Variants in KCNQ1OT1 observed in about 807,000 individuals in gnomAD.
KCNQ1OT1 encodes the protein KCNQ1 opposite strand/antisense transcript 1.
Position 2,674,175 on chromosome 11 carries a change from G to A in KCNQ1OT1, n.25820C>T, listed in dbSNP as rs935245026. On this transcript the variant is annotated non_coding_transcript_exon_variant, in exon 1 of 1. Coordinates refer to ENST00000597346, the Ensembl canonical transcript of KCNQ1OT1. The surrounding 1 kb of genome is among the most constrained non-coding windows in gnomAD (Gnocchi z 5.9). Reference sequence around the variant, plus strand: ...AAGGGAAGGAATGTGACCAAGGCTGGGTGTGGCTGGGGAGAGCACAGCCAG... The same window carrying A: ...AAGGGAAGGAATGTGACCAAGGCTGAGTGTGGCTGGGGAGAGCACAGCCAG... 1 of 398,604 alleles carries A rather than the reference G, an allele frequency of 2.5e-6. No homozygotes were observed. Among genetic ancestry groups the A allele is most frequent in the Admixed American group, 4.4e-5 (1 of 22,706 alleles). 24.7% of individuals were successfully genotyped at this position (398,604 alleles called of 1,614,324 possible). A position where few individuals can be genotyped will look rare whatever the true frequency, so the allele number is the denominator to read the frequency against.
chr11:2,647,811 T>C lies in KCNQ1OT1; in HGVS notation n.52184A>G. On this transcript the variant is annotated non_coding_transcript_exon_variant, in exon 1 of 1. Transcript: ENST00000597346. This position sits in a 1 kb window ranked among gnomAD's most constrained non-coding sequence, Gnocchi z 4.0. Reference sequence around the variant, plus strand: ...GTTCATAATGGTCTCTAATAATCTTTTGTATTTCTGTGGTGTCCATTGTAA... The same window carrying C: ...GTTCATAATGGTCTCTAATAATCTTCTGTATTTCTGTGGTGTCCATTGTAA... 2.5e-6 allele frequency: 1 copy of C among 398,566 alleles called. No individual in the cohort carries two copies. The highest frequency in any genetic ancestry group is 4.4e-6 in the Non-Finnish European group (1 of 226,050). 24.7% of individuals were successfully genotyped at this position (398,566 alleles called of 1,614,324 possible). A position where few individuals can be genotyped will look rare whatever the true frequency, so the allele number is the denominator to read the frequency against.
chr11:2,661,766 AGGT>A lies in KCNQ1OT1; in HGVS notation n.38226_38228del, dbSNP rs1287515468. ...TGGCCTTTATTCTCCTCAGACACTG[AGGT>A]GTCAGGCACTTTGGGGCCATCTTAA... On this transcript the variant is annotated non_coding_transcript_exon_variant, in exon 1 of 1. Transcript: ENST00000597346. The surrounding 1 kb of genome is among the most constrained non-coding windows in gnomAD (Gnocchi z 5.9). The A allele has an allele frequency of 3.1e-6, 2 of 651,226 alleles. No individual in the cohort carries two copies. The highest frequency in any genetic ancestry group is 5.5e-6 in the Non-Finnish European group (2 of 363,362). 40.3% of individuals were successfully genotyped at this position (651,226 alleles called of 1,614,324 possible). A position where few individuals can be genotyped will look rare whatever the true frequency, so the allele number is the denominator to read the frequency against.
exon 1 of KCNQ1OT1, chr11:2,630,025 C>T: frequency 2.5e-6 from 1 of 397,420 alleles, no homozygotes; most frequent in Non-Finnish European, 4.4e-6. Context: ...TTCAGCTTTT[C>T]AGCATTGAGT....
chr11:2,621,166 C>T lies in KCNQ1OT1; in HGVS notation n.78829G>A, dbSNP rs771300771. On this transcript the variant is annotated non_coding_transcript_exon_variant, in exon 1 of 1. Coordinates refer to ENST00000597346, the Ensembl canonical transcript of KCNQ1OT1. The surrounding 1 kb of genome is among the most constrained non-coding windows in gnomAD (Gnocchi z 5.7). ...CTAATTTTTGTGTTTTTAGTAGAGA[C>T]GGGGTTTCACCATGTTGGCCAGGAT... 11 of 397,020 alleles carry T rather than the reference C, an allele frequency of 2.8e-5. No homozygotes were observed. The highest frequency in any genetic ancestry group is 8.8e-5 in the Admixed American group (2 of 22,652). The allele number at this position is 397,020 out of a possible 1,614,324, so 24.6% of individuals were successfully genotyped here. A position where few individuals can be genotyped will look rare whatever the true frequency, so the allele number is the denominator to read the frequency against.
exon 1 of KCNQ1OT1, chr11:2,693,762 T>G: frequency 2.5e-6 from 1 of 398,688 alleles, no homozygotes; most frequent in Non-Finnish European, 4.4e-6. Flanking sequence ...GCCAGTAACC[T>G]GGACATGCTG....
At chr11:2,680,703 T>C (rs1027647223) in exon 1 of KCNQ1OT1, 1 of 398,398 alleles carries the variant, frequency 2.5e-6, no homozygotes, top group Non-Finnish European at 4.4e-6. Flanking sequence ...TGTCCCCCTT[T>C]TATAGCTACC....
At chr11:2,660,571 T>C in exon 1 of KCNQ1OT1, 1 of 398,600 alleles carries the variant, frequency 2.5e-6, no homozygotes, top group Non-Finnish European at 4.4e-6. Context: ...GCAAAGGACA[T>C]GAACAGGCAA....
chr11:2,657,895 T>A lies in KCNQ1OT1; in HGVS notation n.42100A>T, dbSNP rs1015960551. The A allele has an allele frequency of 2.8e-5, 11 of 398,508 alleles. No homozygotes were observed. The highest frequency in any genetic ancestry group is 2.3e-4 in the African/African-American group (11 of 48,634). The allele number at this position is 398,508 out of a possible 1,614,324, so 24.7% of individuals were successfully genotyped here. On this transcript the variant is annotated non_coding_transcript_exon_variant, in exon 1 of 1. Transcript: ENST00000597346. This position sits in a 1 kb window ranked among gnomAD's most constrained non-coding sequence, Gnocchi z 4.8. The stretch of plus-strand genomic sequence containing the variant: ...AGGAGGCCAGTGAGGTGAGATGCTT[T>A]CCTCATTGTGGAACATGACATCAAC...
chr11:2,632,714 T>A (rs1849380842), exon 1 of KCNQ1OT1: 1 of 398,294 alleles, frequency 2.5e-6, no homozygotes, highest in Admixed American at 4.4e-5. Context: ...ATTTAACATA[T>A]TATCCAAGTT....
chr11:2,681,744 C>G, exon 1 of KCNQ1OT1: 1 of 398,348 alleles, frequency 2.5e-6, no homozygotes, highest in Non-Finnish European at 4.4e-6. Flanking sequence ...ACTGATCACA[C>G]ACCAGGGCAC....
At chr11:2,622,400 T>C (rs1310523720) in exon 1 of KCNQ1OT1, 1 of 398,392 alleles carries the variant, frequency 2.5e-6, no homozygotes, top group Non-Finnish European at 4.4e-6. Context: ...GTATGAAATA[T>C]CATTTTTCAT....
In KCNQ1OT1 at chr11:2,668,063, G is replaced by A. The variant is rs1307465316; in HGVS notation, n.31932C>T. ...TGCCCACATTTGAACTTTATGCGGTGGGAATGATGCAACTCATACACCTTT... is the reference window on the plus strand; with the variant it reads ...TGCCCACATTTGAACTTTATGCGGTAGGAATGATGCAACTCATACACCTTT... On this transcript the variant is annotated non_coding_transcript_exon_variant, in exon 1 of 1. Transcript: ENST00000597346. The surrounding 1 kb of genome is among the most constrained non-coding windows in gnomAD (Gnocchi z 4.3). 5.0e-6 allele frequency: 2 copies of A among 398,474 alleles called. No homozygotes were observed. The highest frequency in any genetic ancestry group is 8.8e-6 in the Non-Finnish European group (2 of 226,082). The allele number at this position is 398,474 out of a possible 1,614,324, so 24.7% of individuals were successfully genotyped here. A position where few individuals can be genotyped will look rare whatever the true frequency, so the allele number is the denominator to read the frequency against.
At position 2,614,898 on chromosome 11, in the gene KCNQ1OT1, T is replaced by G. The variant is rs182717980; in HGVS notation, n.85097A>C. ...GGCCCTGGGAAAATTCCATTTACAT[T>G]TTAAAATCAGTTTTTACATTTCTGC... is the stretch of plus-strand genomic sequence containing the variant. On this transcript the variant is annotated non_coding_transcript_exon_variant, in exon 1 of 1. Transcript: ENST00000597346. 4.3e-5 allele frequency: 17 copies of G among 398,476 alleles called. No individual in the cohort carries two copies. In the East Asian group the frequency reaches 5.7e-4, roughly 13 times the overall value. The allele number at this position is 398,476 out of a possible 1,614,324, so 24.7% of individuals were successfully genotyped here. A position where few individuals can be genotyped will look rare whatever the true frequency, so the allele number is the denominator to read the frequency against.
exon 1 of KCNQ1OT1, chr11:2,643,390 T>A: frequency 2.5e-6 from 1 of 398,428 alleles, no homozygotes; most frequent in Non-Finnish European, 4.4e-6. Flanking sequence ...GGTCAATTGA[T>A]CCCTCTGTCA....
exon 1 of KCNQ1OT1, chr11:2,665,407 C>T (rs1185261964): frequency 5.0e-6 from 2 of 397,896 alleles, no homozygotes; most frequent in Admixed American, 8.8e-5. Flanking sequence ...GGATGAGTTC[C>T]TGGGATTCTG....
exon 1 of KCNQ1OT1, chr11:2,694,384 T>C (rs1850638550): frequency 7.5e-6 from 3 of 398,504 alleles, no homozygotes; most frequent in Non-Finnish European, 1.3e-5. Context: ...ATCATGACTA[T>C]GGGAGAATTA....
chr11:2,684,685 C>A (rs1005811900), exon 1 of KCNQ1OT1: 1 of 398,468 alleles, frequency 2.5e-6, no homozygotes, highest in Admixed American at 4.4e-5. Flanking sequence ...AGCTAGTGGC[C>A]AACTGAGCAC....
chr11:2,681,963 C>G (rs541710293), exon 1 of KCNQ1OT1: 1 of 398,610 alleles, frequency 2.5e-6, no homozygotes, highest in Admixed American at 4.4e-5. Context: ...CTTACACTTC[C>G]TGTTTGCCAG....
chr11:2,640,545 C>A lies in KCNQ1OT1; in HGVS notation n.59450G>T, dbSNP rs544132501. The stretch of plus-strand genomic sequence containing the variant: ...AAGCGATCCTTCTGCCTTGGCCCCC[C>A]AAAGCACTGGGATTTCCTTTTTTTT... On this transcript the variant is annotated non_coding_transcript_exon_variant, in exon 1 of 1. Transcript: ENST00000597346. The A allele has an allele frequency of 1.5e-4, 59 of 389,318 alleles. No homozygotes were observed. Among genetic ancestry groups the A allele is most frequent in the African/African-American group, 1.3e-3 (57 of 45,338 alleles). The allele number at this position is 389,318 out of a possible 1,614,324, so 24.1% of individuals were successfully genotyped here.
Sources: allele counts gnomAD v4.1 joint callset, GRCh38; gene constraint gnomAD v4.1.1; non-coding constraint Gnocchi (gnomAD v3.1); transcripts MANE v1.5; gene names NCBI Gene and HGNC (gene_info 2026-07-23, HGNC 2026-07-21).